PLEC: variants seen among roughly 807,000 people sequenced by gnomAD.
The protein encoded by PLEC is hemidesmosomal protein 1.
A neutral mutation model predicts 392.8 loss-of-function variants in PLEC; 216 were observed. The ratio of observed to expected loss-of-function variants is 0.55; its 90% CI spans 0.49 to 0.62. The LOEUF (loss-of-function observed/expected upper bound fraction) is 0.62, where lower values mean the gene tolerates loss of function less well. PLEC is among the 20% of genes least tolerant of loss of function. The probability of loss-of-function intolerance (pLI) is 0.00; values close to 1 mark genes in which losing one functional copy is unlikely to be tolerated. For missense variants in PLEC, 6,863 were observed against 6,563.4 expected, an observed-to-expected ratio of 1.05 and a Z score of -1.58; for synonymous variants, 3,621 against 2,980.6, an observed-to-expected ratio of 1.21 and a Z score of -7.00.
At chr8:143,935,797 C>T (rs376771547) in intron 6 of PLEC, 51 bp downstream of exon 6, 42 of 1,586,848 alleles carry the variant, frequency 2.6e-5, no homozygotes, top group Middle Eastern at 1.7e-4. Context: ...CTAGTGGAGG[C>T]GCTGTGGGGG....
rs782320305 is a variant in PLEC, at chr8:143,922,722, C to T, written c.7207G>A (p.Ala2403Thr). 4.3e-6 allele frequency: 7 copies of T among 1,611,736 alleles called. No individual in the cohort carries two copies. Among genetic ancestry groups the T allele is most frequent in the Non-Finnish European group, 5.9e-6 (7 of 1,179,742 alleles). The stretch of plus-strand genomic sequence containing the variant: ...TCCGCCTGCTTCCGGAAGCGCTGGG[C>T]GTCCTCCTCAGCGCGGGCCTGGGCT... ...SRAQARAEED[A>T]QRFRKQAEEI... The change falls in exon 31 of 32, where the codon GCC becomes ACC. Residue 2403 changes from alanine to threonine, a missense_variant. Physicochemically the swap from Ala to Thr is moderately conservative, Grantham distance 58. Transcript: ENST00000345136.
chr8:143,945,003 G>C (rs1831231602), intron 1 of PLEC, among the ~76,000 whole-genome samples: 2 of 144,954 alleles, frequency 1.4e-5, no homozygotes, highest in Admixed American at 1.3e-4. Context: ...TAATATAATA[G>C]AGCAGGGCGC....
chr8:143,942,485 G>C (rs1830679705), upstream of PLEC: 1 of 1,592,422 alleles, frequency 6.3e-7, no homozygotes, highest in African/African-American at 1.3e-5. Context: ...ACCTCCCTCG[G>C]CGAGGCAAAG....
rs782317892 is a variant in PLEC, at chr8:143,917,173, G to A, written c.12648C>T (p.Arg4216=). 1.4e-5 allele frequency: 22 copies of A among 1,612,060 alleles called. No individual in the cohort carries two copies. Among genetic ancestry groups the A allele is most frequent in the Non-Finnish European group, 1.8e-5 (21 of 1,178,918 alleles). Residue 4216 remains arginine, a synonymous_variant, in exon 32 of 32, where the codon CGC becomes CGT. Transcript: ENST00000345136. ...DDAIAKNLID[R]SALDQYRAGT... ...CGGCGCGGTACTGGTCCAGTGCCGA[G>A]CGGTCGATGAGGTTCTTGGCGATGG...
At position 143,969,011 on chromosome 8, in the gene PLEC, T is replaced by C. The variant is rs143035113; in HGVS notation, c.70+4392A>G. Among the ~76,000 whole-genome samples the C allele has an allele frequency of 1.3e-5, 2 of 152,278 alleles. No homozygotes were observed. The highest frequency in any genetic ancestry group is 4.8e-5 in the African/African-American group (2 of 41,550). On this transcript the variant is annotated intron_variant, in intron 1 of 31. Coordinates refer to the PLEC transcript ENST00000356346. The surrounding 1 kb of genome is among the most constrained non-coding windows in gnomAD (Gnocchi z 5.1). ...CTGAGCAATTCCACTCCTAGGTATC[T>C]ACCCAGCAGAAATAAAAAACATACG...
At chr8:143,946,514 C>G (rs1831500598) in intron 1 of PLEC, 1 of 624,724 alleles carries the variant, frequency 1.6e-6, no homozygotes, top group Non-Finnish European at 2.5e-6. Flanking sequence ...GGCTCCTCCT[C>G]GCAGCCACCC....
chr8:143,961,987 G>A (rs1205581435), intron 1 of PLEC, among the ~76,000 whole-genome samples: 1 of 152,088 alleles, frequency 6.6e-6, no homozygotes, highest in Non-Finnish European at 1.5e-5. Flanking sequence ...AGCCCACTGT[G>A]CACGCTTTTT....
chr8:143,915,826 G>A lies in PLEC; in HGVS notation c.*351C>T. On this transcript the variant is annotated 3_prime_UTR_variant, in exon 32 of 32. Coordinates refer to ENST00000345136, the MANE Select transcript of PLEC (RefSeq NM_201384.3). ...CAGGGCCCTCTACAGACAGGGTTGG[G>A]CCCAGCTGCCCTGTGCAGCTAGGAC... 1 of 193,118 alleles carries A rather than the reference G, an allele frequency of 5.2e-6. No homozygotes were observed. The highest frequency in any genetic ancestry group is 1.0e-5 in the Non-Finnish European group (1 of 95,354). The allele number at this position is 193,118 out of a possible 1,614,324, so 12.0% of individuals were successfully genotyped here.
chr8:143,929,963 C>T lies in PLEC; in HGVS notation c.2712G>A (p.Gln904=). The change falls in exon 22 of 32, where the codon CAG becomes CAA. Residue 904 remains glutamine, a synonymous_variant. Transcript: ENST00000345136. ...LAWQSLRRDV[Q]LIRSWSLATF... Reference sequence around the variant, plus strand: ...TGGCCAGGGACCAGGAGCGGATGAGCTGCACGTCGCGGCGAAGGCTCTGCC... The same window carrying T: ...TGGCCAGGGACCAGGAGCGGATGAGTTGCACGTCGCGGCGAAGGCTCTGCC... The T allele has an allele frequency of 2.5e-6, 4 of 1,611,190 alleles. No individual in the cohort carries two copies. Among genetic ancestry groups the T allele is most frequent in the Non-Finnish European group, 3.4e-6 (4 of 1,179,554 alleles).
Position 143,929,588 on chromosome 8 carries a change from G to A in PLEC, c.2924-17C>T, listed in dbSNP as rs1826475024. 2 of 1,611,740 alleles carry A rather than the reference G, an allele frequency of 1.2e-6. No homozygotes were observed. The highest frequency in any genetic ancestry group is 1.6e-4 in the Middle Eastern group (1 of 6,082). The stretch of plus-strand genomic sequence containing the variant: ...CCTGTGCACCTGGGGAACACATGTG[G>A]GTCACTCCACCGCCCACCTCGCACC... On this transcript the variant is annotated splice_polypyrimidine_tract_variant and intron_variant, in intron 23 of 31. Transcript: ENST00000345136.
chr8:143,924,863 A>G lies in PLEC; in HGVS notation c.5066T>C (p.Leu1689Pro), dbSNP rs1379584744. ...AEEQAVRQRE[L>P]AEQELEKQRQ... is the part of the protein sequence containing the mutation. Reference sequence around the variant, plus strand: ...CTGCTTCTCCAGCTCTTGTTCAGCCAGCTCCCGCTGCCGGACGGCCTGCTC... The same window carrying G: ...CTGCTTCTCCAGCTCTTGTTCAGCCGGCTCCCGCTGCCGGACGGCCTGCTC... The change falls in exon 31 of 32, where the codon CTG (leucine) becomes CCG (proline). Residue 1689 changes from leucine to proline, a missense_variant. Transcript: ENST00000345136. 1.3e-5 allele frequency: 21 copies of G among 1,587,620 alleles called. No individual in the cohort carries two copies. The highest frequency in any genetic ancestry group is 1.8e-5 in the Non-Finnish European group (21 of 1,174,668).
At chr8:143,929,858 G>C in intron 22 of PLEC, 29 bp from the exon 23 acceptor site, 2 of 1,599,974 alleles carry the variant, frequency 1.3e-6, no homozygotes, top group Non-Finnish European at 1.7e-6. Flanking sequence ...GCTGAGTGCC[G>C]GGCGAGGCGG....
rs387906801 is a variant in PLEC at position 143,923,841 on chromosome 8, G to A, written c.6088C>T (p.Gln2030Ter). The part of the protein sequence containing the change: ...EARRLRERAE[Q>*]ESARQLQLAQ... ...AGCTGCAGCTGCCGCGCCGACTCCTGCTCCGCTCGCTCCCGCAGGCGCCGC... is the reference window on the plus strand; with the variant it reads ...AGCTGCAGCTGCCGCGCCGACTCCTACTCCGCTCGCTCCCGCAGGCGCCGC... Residue 2030 changes from glutamine (Q) to a stop codon, truncating the protein, a stop_gained, in exon 31 of 32, where the codon CAG (glutamine) becomes TAG (stop). Coordinates refer to ENST00000345136, the MANE Select transcript of PLEC (RefSeq NM_201384.3). LOFTEE classifies it high-confidence loss of function. 6.3e-7 allele frequency: 1 copy of A among 1,587,874 alleles called. No homozygotes were observed.
chr8:143,959,668 G>A (rs544153632), intron 1 of PLEC, among the ~76,000 whole-genome samples: 78 of 152,390 alleles, frequency 5.1e-4, no homozygotes, highest in African/African-American at 1.7e-3. Context: ...GACGACGACT[G>A]CAGTACCTAG....
At chr8:143,931,177 G>C (rs1320219390) in intron 19 of PLEC, among the ~76,000 whole-genome samples, 8 of 152,218 alleles carry the variant, frequency 5.3e-5, no homozygotes, top group African/African-American at 1.9e-4. Flanking sequence ...GCTGGCGGCA[G>C]CTGCTGACTT....
rs368758264 is a variant in PLEC, at chr8:143,920,169, G to T, written c.9652C>A (p.Arg3218=). Residue 3218 remains arginine, a synonymous_variant, in exon 32 of 32, where the codon CGG becomes AGG. Coordinates refer to ENST00000345136, the MANE Select transcript of PLEC (RefSeq NM_201384.3). ...SLLPLSEKAA[R]ARQEELYSEL... ...GAGTAGAGCTCCTCCTGCCGGGCCC[G>T]AGCAGCCTTTTCTGAGAGCGGCAGC... The T allele has an allele frequency of 6.2e-7, 1 of 1,612,284 alleles. No individual in the cohort carries two copies. Among genetic ancestry groups the T allele is most frequent in the Non-Finnish European group, 8.5e-7 (1 of 1,179,934 alleles).
chr8:143,925,578 CGAT>C lies in PLEC; in HGVS notation c.4348_4350del (p.Ile1450del), dbSNP rs782071806. The C allele has an allele frequency of 6.3e-7, 1 of 1,579,770 alleles. No homozygotes were observed. Among genetic ancestry groups the C allele is most frequent in the Non-Finnish European group, 8.5e-7 (1 of 1,170,840 alleles). ...AGGCGCACCACGCGGATCTCCTCCT[CGAT>C]GCGCAGCCGGCTGCGCTCAGCCGCC... On this transcript the variant is annotated inframe_deletion, in exon 31 of 32. Transcript: ENST00000345136.
Position 143,933,259 on chromosome 8 carries a change from G to C in PLEC, c.1356C>G (p.Leu452=), listed in dbSNP as rs1554719227. 6.2e-7 allele frequency: 1 copy of C among 1,613,192 alleles called. No homozygotes were observed. Among genetic ancestry groups the C allele is most frequent in the South Asian group, 1.1e-5 (1 of 91,084 alleles). The part of the protein sequence containing the change: ...LDKADSMIRL[L]FNDVQTLKDG... ...CCTTGAGGGTCTGCACGTCGTTGAA[G>C]AGCAGCCGGATCATGCTATCCGCCT... The change falls in exon 13 of 32, where the codon CTC becomes CTG. Residue 452 remains leucine (L), a synonymous_variant. Coordinates refer to ENST00000345136, the MANE Select transcript of PLEC (RefSeq NM_201384.3).
At position 143,930,377 on chromosome 8, in the gene PLEC, C is replaced by A. The variant is rs781859161; in HGVS notation, c.2457+7G>T. 3.8e-6 allele frequency: 6 copies of A among 1,574,922 alleles called. No homozygotes were observed. Among genetic ancestry groups the A allele is most frequent in the Non-Finnish European group, 8.6e-7 (1 of 1,164,938 alleles). On this transcript the variant is annotated splice_region_variant and intron_variant, in intron 20 of 31. Transcript: ENST00000345136. ...CGCCCCCCAGTGGACCCCCGGCCTG[C>A]GCTCACCTCCACCTGCTTATAGTCG... is the stretch of plus-strand genomic sequence containing the variant.
Sources: allele counts gnomAD v4.1 joint callset (sites outside exome capture counted in the v4.1 genomes callset), GRCh38; gene constraint gnomAD v4.1.1; non-coding constraint Gnocchi (gnomAD v3.1); transcripts MANE v1.5; gene names NCBI Gene and HGNC (gene_info 2026-07-23, HGNC 2026-07-21).